Variants in DTWD2 observed in about 807,000 individuals in gnomAD.
The protein encoded by DTWD2 is tRNA-uridine aminocarboxypropyltransferase 2.
In DTWD2, 39 loss-of-function variants were observed where a neutral mutation model predicts 31.8. That is an observed-to-expected ratio of 1.22 (90% CI 0.95 to 1.60). DTWD2 has a LOEUF of 1.60. DTWD2 is among the 40% of genes most tolerant of loss of function. DTWD2 has a pLI of 0.00. For synonymous variants in DTWD2, 180 were observed against 142.8 expected (o/e 1.26, Z -1.86); for missense variants, 515 against 381.5 (o/e 1.35, Z -2.92).
intron 4 of DTWD2, among the ~76,000 whole-genome samples, chr5:118,850,605 G>C (rs958626679): frequency 6.6e-6 from 1 of 151,138 alleles, no homozygotes. Context: ...TATCAACCTT[G>C]GCAAAGAATT....
chr5:118,950,573 G>A (rs375613944), intron 1 of DTWD2, among the ~76,000 whole-genome samples: 4 of 152,166 alleles, frequency 2.6e-5, no homozygotes, highest in South Asian at 2.1e-4. Flanking sequence ...TGGACAGTTC[G>A]ATTTCCAGTG....
intron 4 of DTWD2, among the ~76,000 whole-genome samples, chr5:118,868,644 C>T (rs1026668671): frequency 1.3e-5 from 2 of 151,886 alleles, no homozygotes; most frequent in African/African-American, 4.8e-5. Context: ...TTGAGACCAG[C>T]CTGGGCAAGA....
chr5:118,963,315 T>C (rs943701175), intron 1 of DTWD2, among the ~76,000 whole-genome samples: 8 of 152,172 alleles, frequency 5.3e-5, no homozygotes, highest in African/African-American at 4.8e-5. Flanking sequence ...TAGAGTATGA[T>C]TGCAGAAAGC....
intron 1 of DTWD2, among the ~76,000 whole-genome samples, chr5:118,973,319 C>T (rs923546939): frequency 1.9e-4 from 29 of 152,126 alleles, no homozygotes; most frequent in Non-Finnish European, 3.5e-4. Context: ...GGTTATTTTG[C>T]CCCTTAGTTG....
In DTWD2 at chr5:118,963,528, AC is replaced by A. The variant is rs1377695482; in HGVS notation, c.219-18880del. Among the ~76,000 whole-genome samples, 5 of 152,312 alleles carry A rather than the reference AC, an allele frequency of 3.3e-5. No homozygotes were observed. The South Asian group carries it at 8.3e-4, about 25-fold the overall frequency. On this transcript the variant is annotated intron_variant, in intron 1 of 5. Transcript: ENST00000510708. ...CAAAAGATTCTGAACTCCCTTCTTT[AC>A]CTAAAATATAAGCATTGAAGTTCTC...
intron 4 of DTWD2, among the ~76,000 whole-genome samples, chr5:118,893,394 T>C (rs1476039747): frequency 6.8e-6 from 1 of 146,144 alleles, no homozygotes; most frequent in Non-Finnish European, 1.5e-5. Flanking sequence ...GAAATGAGAC[T>C]ATAAATGTAT....
chr5:118,857,939 T>C (rs1043207243), intron 4 of DTWD2, among the ~76,000 whole-genome samples: 11 of 152,190 alleles, frequency 7.2e-5, no homozygotes, highest in African/African-American at 2.7e-4. Context: ...ACGCCTGGGA[T>C]AGTTTACAGA....
At chr5:118,852,523 C>G (rs1262990856) in intron 4 of DTWD2, among the ~76,000 whole-genome samples, 1 of 152,102 alleles carries the variant, frequency 6.6e-6, no homozygotes, top group East Asian at 1.9e-4. Flanking sequence ...GAGATACCAC[C>G]TCACACAAGT....
chr5:118,871,457 T>G (rs1017617913), intron 4 of DTWD2, among the ~76,000 whole-genome samples: 7 of 152,348 alleles, frequency 4.6e-5, no homozygotes, highest in African/African-American at 1.7e-4. Context: ...CCTTATGAAA[T>G]GTATTTCTTA....
At chr5:118,883,050 T>G (rs1447059553) in intron 4 of DTWD2, among the ~76,000 whole-genome samples, 1 of 152,240 alleles carries the variant, frequency 6.6e-6, no homozygotes, top group Non-Finnish European at 1.5e-5. Context: ...AAAGTTCCAA[T>G]ATCAAACCAT....
At chr5:118,897,387 C>T (rs1039698587) in intron 4 of DTWD2, among the ~76,000 whole-genome samples, 5 of 152,254 alleles carry the variant, frequency 3.3e-5, no homozygotes, top group Middle Eastern at 3.4e-3. Flanking sequence ...ACCTAGGCAC[C>T]CTTTGCCTGG....
rs1232291723 is a variant in DTWD2, at chr5:118,954,921, A to G, written c.219-10272T>C. 2.0e-5 allele frequency among the ~76,000 whole-genome samples: 3 copies of G among 152,030 alleles called. No individual in the cohort carries two copies. The East Asian group carries it at 5.8e-4, about 29-fold the overall frequency. On this transcript the variant is annotated intron_variant, in intron 1 of 5. Coordinates refer to ENST00000510708, the MANE Select transcript of DTWD2 (RefSeq NM_173666.4). ...TTCGTTAATTTTTTTTTATATATCA[A>G]AGTTTAATTTCTCCTTTATGCCCTC...
Position 118,872,256 on chromosome 5 carries a change from AT to A in DTWD2, c.598-24039del, listed in dbSNP as rs544516402. On this transcript the variant is annotated intron_variant, in intron 4 of 5. Transcript: ENST00000510708. ...ATAAGGTTATTTTCACTTTTTTATC[AT>A]TTATGTGTTCACTGGAGTAACACTT... 3.8e-4 allele frequency among the ~76,000 whole-genome samples: 58 copies of A among 152,264 alleles called. No individual in the cohort carries two copies. The East Asian group carries it at 0.011, about 28-fold the overall frequency.
chr5:118,925,234 A>G (rs1753784455), intron 4 of DTWD2, among the ~76,000 whole-genome samples: 1 of 152,252 alleles, frequency 6.6e-6, no homozygotes, highest in African/African-American at 2.4e-5. Flanking sequence ...AAAGCTTTTC[A>G]TAATCCTTTT....
intron 4 of DTWD2, among the ~76,000 whole-genome samples, chr5:118,892,140 G>A (rs1752988917): frequency 6.6e-6 from 1 of 151,946 alleles, no homozygotes; most frequent in Non-Finnish European, 1.5e-5. Flanking sequence ...TATCCAGTGT[G>A]TATTTTATCT....
chr5:118,963,544 T>C (rs1043290718), intron 1 of DTWD2, among the ~76,000 whole-genome samples: 2 of 152,178 alleles, frequency 1.3e-5, no homozygotes, highest in Admixed American at 6.5e-5. Flanking sequence ...AATATAAGCA[T>C]TGAAGTTCTC....
chr5:118,943,059 C>T (rs1302384512), intron 2 of DTWD2, among the ~76,000 whole-genome samples: 1 of 152,160 alleles, frequency 6.6e-6, no homozygotes, highest in Non-Finnish European at 1.5e-5. Flanking sequence ...CTTCTTCAGC[C>T]TCCCAAAGTG....
At chr5:118,926,117 G>T (rs916028943) in intron 4 of DTWD2, among the ~76,000 whole-genome samples, 2 of 152,058 alleles carry the variant, frequency 1.3e-5, no homozygotes, top group African/African-American at 4.8e-5. Flanking sequence ...ATAGCAGCAC[G>T]ATTCACAACT....
At chr5:118,932,397 G>T (rs1487462300) in intron 3 of DTWD2, among the ~76,000 whole-genome samples, 1 of 149,482 alleles carries the variant, frequency 6.7e-6, no homozygotes, top group Non-Finnish European at 1.5e-5. Context: ...AGAAAAGAAA[G>T]AGTAAAACCT....
Sources: gnomAD v4.1 joint callset for allele counts (sites outside exome capture counted in the v4.1 genomes callset) on GRCh38, gnomAD v4.1.1 for gene constraint, MANE v1.5 for transcripts, NCBI Gene and HGNC (gene_info 2026-07-23, HGNC 2026-07-21) for gene names.